KIAA1217: variants seen among roughly 807,000 people sequenced by gnomAD.
The protein encoded by KIAA1217 is KIAA1217.
KIAA1217 carries 88 observed loss-of-function variants against 163.9 expected under a neutral mutation model. The observed-to-expected ratio is 0.54, with a 90% CI of 0.45 to 0.64. The LOEUF (loss-of-function observed/expected upper bound fraction) is 0.64. KIAA1217 is among the 30% of genes least tolerant of loss of function. The probability of loss-of-function intolerance (pLI) is 0.00; values close to 1 mark genes in which losing one functional copy is unlikely to be tolerated. For synonymous variants in KIAA1217, 903 were observed against 923.1 expected (o/e 0.98, Z 0.39); for missense variants, 2,372 against 2,475.0 (o/e 0.96, Z 0.88).
At chr10:23,997,267 TC>T (rs1846530894) in intron 1 of KIAA1217, among the ~76,000 whole-genome samples, 1 of 152,020 alleles carries the variant, frequency 6.6e-6, no homozygotes, top group African/African-American at 2.4e-5. Flanking sequence ...TTATCACATG[TC>T]CCCCCAAAAA....
At chr10:24,458,156 A>G (rs1396111291) in intron 5 of KIAA1217, among the ~76,000 whole-genome samples, 1 of 152,238 alleles carries the variant, frequency 6.6e-6, no homozygotes, top group Non-Finnish European at 1.5e-5. Flanking sequence ...GGGCATGTAC[A>G]GCTCCCAAAC....
At chr10:24,353,637 CTT>C (rs551733582) in intron 2 of KIAA1217, among the ~76,000 whole-genome samples, 65 of 152,280 alleles carry the variant, frequency 4.3e-4, no homozygotes, top group Non-Finnish European at 2.6e-4. Flanking sequence ...CCCTCTCTCT[CTT>C]GATGTGACTC....
chr10:23,803,408 C>T (rs553988255), intron 1 of KIAA1217, among the ~76,000 whole-genome samples: 37 of 152,352 alleles, frequency 2.4e-4, no homozygotes, highest in African/African-American at 8.9e-4. Context: ...TATGACCGCT[C>T]AAGGCAGGGT....
At chr10:23,743,588 A>C (rs1839238065) in intron 1 of KIAA1217, among the ~76,000 whole-genome samples, 1 of 152,194 alleles carries the variant, frequency 6.6e-6, no homozygotes, top group Non-Finnish European at 1.5e-5. Flanking sequence ...AGAATACAAC[A>C]ATTATAATTA....
At chr10:23,807,871 A>C (rs1458229504) in intron 1 of KIAA1217, among the ~76,000 whole-genome samples, 2 of 152,172 alleles carry the variant, frequency 1.3e-5, no homozygotes, top group Non-Finnish European at 2.9e-5. Flanking sequence ...TGGCAATTGG[A>C]GTTTTAAGCC....
intron 2 of KIAA1217, among the ~76,000 whole-genome samples, chr10:24,161,116 C>G (rs1178441431): frequency 6.6e-6 from 1 of 152,150 alleles, no homozygotes; most frequent in African/African-American, 2.4e-5. Context: ...AAAGAAACAG[C>G]TATACTCAGG....
intron 2 of KIAA1217, among the ~76,000 whole-genome samples, chr10:24,070,171 A>G (rs2078375704): frequency 6.6e-6 from 1 of 152,188 alleles, no homozygotes; most frequent in Non-Finnish European, 1.5e-5. Context: ...TAAAGGAAAT[A>G]AGCAATAGAG....
chr10:24,404,341 G>C (rs902111416), intron 3 of KIAA1217, among the ~76,000 whole-genome samples: 2 of 152,068 alleles, frequency 1.3e-5, no homozygotes, highest in Non-Finnish European at 2.9e-5. Flanking sequence ...GGCCAAGGTG[G>C]GCACATCACA....
chr10:24,075,606 CTTTT>C (rs1275191864), intron 2 of KIAA1217, among the ~76,000 whole-genome samples: 1 of 138,056 alleles, frequency 7.2e-6, no homozygotes. Flanking sequence ...AGCATTTTAT[CTTTT>C]TTTTTTTTTT....
chr10:24,063,055 G>A (rs1279010737), intron 2 of KIAA1217, among the ~76,000 whole-genome samples: 6 of 151,912 alleles, frequency 3.9e-5, no homozygotes, highest in African/African-American at 1.5e-4. Context: ...TGTCAGATGA[G>A]TAGGTTGCAA....
rs1023936912 is a variant in KIAA1217 at position 24,234,676 on chromosome 10, A to G, written c.354+14767A>G. Among the ~76,000 whole-genome samples, 20 of 151,536 alleles carry G rather than the reference A, an allele frequency of 1.3e-4. No homozygotes were observed. In the East Asian group the frequency reaches 1.7e-3, roughly 13 times the overall value. Reference sequence around the variant, plus strand: ...TGTCTCAAAAAAAAAAAAAAAAAAAAAAAGAAACTACATACAAAAAACTTG... The same window carrying G: ...TGTCTCAAAAAAAAAAAAAAAAAAAGAAAGAAACTACATACAAAAAACTTG... On this transcript the variant is annotated intron_variant, in intron 2 of 20. Coordinates refer to ENST00000376454, the MANE Select transcript of KIAA1217 (RefSeq NM_019590.5).
At chr10:23,960,538 T>C (rs1844779811) in intron 1 of KIAA1217, among the ~76,000 whole-genome samples, 1 of 152,034 alleles carries the variant, frequency 6.6e-6, no homozygotes, top group Non-Finnish European at 1.5e-5. Context: ...ATTACAGGCG[T>C]GAGCCACCAC....
At chr10:24,449,842 C>T (rs1040236748) in intron 5 of KIAA1217, 2 of 743,260 alleles carry the variant, frequency 2.7e-6, no homozygotes, top group African/African-American at 1.9e-5. Flanking sequence ...CTTTCATTAA[C>T]TTGTCTTCTG....
chr10:24,248,751 G>C (rs1057163072), intron 2 of KIAA1217, among the ~76,000 whole-genome samples: 6 of 147,080 alleles, frequency 4.1e-5, no homozygotes, highest in African/African-American at 1.5e-4. Flanking sequence ...GTTCATTTTA[G>C]ATAAAAGGTG....
chr10:23,901,496 C>A (rs1841951354), intron 1 of KIAA1217, among the ~76,000 whole-genome samples: 1 of 151,994 alleles, frequency 6.6e-6, no homozygotes, highest in Non-Finnish European at 1.5e-5. Flanking sequence ...TAAAATATGG[C>A]AAAACTAACT....
chr10:24,187,629 G>A (rs143199234), intron 2 of KIAA1217, among the ~76,000 whole-genome samples: 4,068 of 152,236 alleles, frequency 0.027, 87 homozygotes, highest in Admixed American at 0.042. Context: ...AGTGTCTCAC[G>A]CCTATAATCC....
intron 1 of KIAA1217, among the ~76,000 whole-genome samples, chr10:23,861,660 C>T (rs1215237082): frequency 1.3e-5 from 2 of 152,112 alleles, no homozygotes; most frequent in Non-Finnish European, 2.9e-5. Context: ...TTTCTGGCTC[C>T]ATGATGGAGA....
At chr10:24,366,726 C>T (rs1194133608) in intron 2 of KIAA1217, among the ~76,000 whole-genome samples, 3 of 152,178 alleles carry the variant, frequency 2.0e-5, no homozygotes, top group African/African-American at 4.8e-5. Context: ...GGGCCAGTGA[C>T]AATCAAGATG....
At chr10:23,732,045 A>G (rs558773968) in intron 1 of KIAA1217, among the ~76,000 whole-genome samples, 1 of 152,164 alleles carries the variant, frequency 6.6e-6, no homozygotes, top group East Asian at 1.9e-4. Flanking sequence ...GTATTAATCT[A>G]TAGTTTTCTT....
Sources: allele counts gnomAD v4.1 joint callset (sites outside exome capture counted in the v4.1 genomes callset), GRCh38; gene constraint gnomAD v4.1.1; transcripts MANE v1.5; gene names NCBI Gene and HGNC (gene_info 2026-07-23, HGNC 2026-07-21).